Variants in MNAT1 observed in about 807,000 individuals in gnomAD.
MNAT1 encodes the protein CDK-activating kinase assembly factor MAT1.
In MNAT1, 43 loss-of-function variants were observed where a neutral mutation model predicts 42.0. The observed-to-expected ratio is 1.02, with a 90% confidence interval of 0.80 to 1.32. The LOEUF is 1.32. Ranked by LOEUF, MNAT1 falls within the 40% of genes most tolerant of loss-of-function variation. MNAT1 has a pLI of 0.00. For synonymous variants in MNAT1, 118 were observed against 120.0 expected (o/e 0.98, Z 0.11); for missense variants, 306 against 350.4 (o/e 0.87, Z 1.01).
chr14:60,806,827 A>C (rs996833214), intron 3 of MNAT1, among the ~76,000 whole-genome samples: 1 of 152,192 alleles, frequency 6.6e-6, no homozygotes, highest in Non-Finnish European at 1.5e-5. Context: ...CAAGAGGTAG[A>C]TTTTGAGTGG....
At chr14:60,878,624 A>G (rs1310966780) in intron 6 of MNAT1, among the ~76,000 whole-genome samples, 1 of 152,062 alleles carries the variant, frequency 6.6e-6, no homozygotes, top group East Asian at 1.9e-4. Flanking sequence ...CCCTCCAGAA[A>G]CTCAATAAGC....
At chr14:60,920,482 C>T (rs1403686276) in intron 7 of MNAT1, among the ~76,000 whole-genome samples, 7 of 151,974 alleles carry the variant, frequency 4.6e-5, no homozygotes, top group South Asian at 2.1e-4. Context: ...TGCAGTGGCG[C>T]GATTTCGTCT....
At chr14:60,877,729 A>G (rs369080475) in intron 6 of MNAT1, among the ~76,000 whole-genome samples, 4 of 152,206 alleles carry the variant, frequency 2.6e-5, no homozygotes, top group African/African-American at 7.2e-5. Flanking sequence ...TTAGAATTCT[A>G]TGCCCACGTG....
Position 60,965,716 on chromosome 14 carries a change from CT to C in MNAT1, c.810-2511del, listed in dbSNP as rs557206518. Among the ~76,000 whole-genome samples, 13 of 152,202 alleles carry C rather than the reference CT, an allele frequency of 8.5e-5. No individual in the cohort carries two copies. The South Asian group carries it at 2.7e-3, about 32-fold the overall frequency. On this transcript the variant is annotated intron_variant, in intron 7 of 7. Transcript: ENST00000261245. Reference sequence around the variant, plus strand: ...GGTTGACAAACATTCTACTGTGGTGCTTGAATTTTACCATAAGTGAACATCT... The same window carrying C: ...GGTTGACAAACATTCTACTGTGGTGCTGAATTTTACCATAAGTGAACATCT...
chr14:60,845,067 T>C (rs2033649027), intron 6 of MNAT1, among the ~76,000 whole-genome samples: 1 of 152,024 alleles, frequency 6.6e-6, no homozygotes, highest in African/African-American at 2.4e-5. Context: ...CCTGTAGATG[T>C]CTTTGTTTAG....
At chr14:60,792,683 A>C (rs2031866379) in intron 1 of MNAT1, among the ~76,000 whole-genome samples, 1 of 152,208 alleles carries the variant, frequency 6.6e-6, no homozygotes, top group African/African-American at 2.4e-5. Context: ...CATGGAATAT[A>C]GTTGCTCTTT....
At chr14:60,800,127 G>A (rs1351048381) in intron 3 of MNAT1, among the ~76,000 whole-genome samples, 1 of 151,932 alleles carries the variant, frequency 6.6e-6, no homozygotes, top group Non-Finnish European at 1.5e-5. Context: ...TTGTAGTTAT[G>A]TAGTTATGTA....
intron 7 of MNAT1, among the ~76,000 whole-genome samples, chr14:60,913,488 C>A (rs115236244): frequency 1.3e-5 from 2 of 152,108 alleles, no homozygotes; most frequent in African/African-American, 4.8e-5. Context: ...ATGATGGTGG[C>A]GTCCAGATGG....
At chr14:60,947,669 T>C (rs1958283) in intron 7 of MNAT1, among the ~76,000 whole-genome samples, 139,946 of 152,190 alleles carry the variant, frequency 0.92, 64,843 homozygotes, top group Non-Finnish European at 0.99. Flanking sequence ...GGCAACAAAG[T>C]GAGACTCTAT....
At chr14:60,797,100 T>A (rs2032043732) in intron 2 of MNAT1, among the ~76,000 whole-genome samples, 1 of 152,160 alleles carries the variant, frequency 6.6e-6, no homozygotes. Context: ...TTTTATCTGT[T>A]ATTATGAGAA....
At chr14:60,871,097 A>G (rs1398098522) in intron 6 of MNAT1, among the ~76,000 whole-genome samples, 1 of 152,212 alleles carries the variant, frequency 6.6e-6, no homozygotes, top group African/African-American at 2.4e-5. Flanking sequence ...GTTGAATAGT[A>G]ATAAAATTCA....
chr14:60,869,450 C>T (rs2034281516), intron 6 of MNAT1, among the ~76,000 whole-genome samples: 1 of 152,066 alleles, frequency 6.6e-6, no homozygotes, highest in Admixed American at 6.6e-5. Context: ...AGCATAGGGC[C>T]TTACACTCTA....
At chr14:60,789,912 T>C (rs2031764312) in intron 1 of MNAT1, among the ~76,000 whole-genome samples, 3 of 152,200 alleles carry the variant, frequency 2.0e-5, no homozygotes, top group South Asian at 2.1e-4. Flanking sequence ...TACGATAGTA[T>C]TCAAAGTATG....
intron 7 of MNAT1, among the ~76,000 whole-genome samples, chr14:60,911,610 T>C (rs561620680): frequency 6.6e-6 from 1 of 152,338 alleles, no homozygotes; most frequent in South Asian, 2.1e-4. Context: ...GGTTGTTCAG[T>C]TTCCATGTAG....
At chr14:60,776,776 A>G (rs138327455) in intron 1 of MNAT1, among the ~76,000 whole-genome samples, 24 of 152,274 alleles carry the variant, frequency 1.6e-4, no homozygotes, top group African/African-American at 5.8e-4. Context: ...ATGGCAGGAA[A>G]AAGGTGTACA....
At chr14:60,771,984 C>A (rs2031076812) in intron 1 of MNAT1, among the ~76,000 whole-genome samples, 1 of 152,268 alleles carries the variant, frequency 6.6e-6, no homozygotes, top group Non-Finnish European at 1.5e-5. Flanking sequence ...TAATGGAGAG[C>A]AATTTTATGC....
chr14:60,893,520 A>G (rs1236003045), intron 7 of MNAT1, among the ~76,000 whole-genome samples: 1 of 152,184 alleles, frequency 6.6e-6, no homozygotes, highest in Non-Finnish European at 1.5e-5. Context: ...AGATTCTGAG[A>G]TAAATAATAT....
chr14:60,847,058 C>G (rs2033699818), intron 6 of MNAT1, among the ~76,000 whole-genome samples: 1 of 152,062 alleles, frequency 6.6e-6, no homozygotes, highest in East Asian at 1.9e-4. Context: ...GATATTGACC[C>G]TTTTATCATT....
chr14:60,914,317 ACTGCACCCACTGTC>A (rs574851426), intron 7 of MNAT1, among the ~76,000 whole-genome samples: 298 of 151,374 alleles, frequency 2.0e-3, no homozygotes, highest in African/African-American at 7.0e-3. Context: ...AGCACGGTGT[ACTGCACCCACTGTC>A]CTGCACCCAC....
Sources: allele counts gnomAD v4.1 joint callset (sites outside exome capture counted in the v4.1 genomes callset), GRCh38; gene constraint gnomAD v4.1.1; transcripts MANE v1.5; gene names NCBI Gene and HGNC (gene_info 2026-07-23, HGNC 2026-07-21).